Variants in RBFOX1 observed in about 807,000 individuals in gnomAD.
The protein encoded by RBFOX1 is RNA binding protein fox-1 homolog 1.
In RBFOX1, 8 loss-of-function variants were observed where a neutral mutation model predicts 57.7. The ratio of observed to expected loss-of-function variants is 0.14; its 90% CI spans 0.08 to 0.25. The LOEUF (loss-of-function observed/expected upper bound fraction) is 0.25. Among genes scored for constraint, RBFOX1 ranks in the 10% least tolerant of loss-of-function variants. RBFOX1 has a pLI of 1.00. For missense variants in RBFOX1, 611 were observed against 548.5 expected, an observed-to-expected ratio of 1.11 and a Z score of -1.14; for synonymous variants, 326 against 222.4, an observed-to-expected ratio of 1.47 and a Z score of -4.15.
chr16:7,498,171 G>A lies in RBFOX1; in HGVS notation c.28-19976G>A, dbSNP rs749821136. 1.2e-4 allele frequency among the ~76,000 whole-genome samples: 19 copies of A among 152,266 alleles called. No individual in the cohort carries two copies. In the Middle Eastern group the frequency reaches 0.014, roughly 109 times the overall value. On this transcript the variant is annotated intron_variant, in intron 4 of 15. Coordinates refer to ENST00000550418, the MANE Select transcript of RBFOX1 (RefSeq NM_018723.4). ...AAGAATAACAAAGGTGGCGTGTGGGGTGGGATGGAGATCAAGCTTCCCTGT... is the reference window on the plus strand; with the variant it reads ...AAGAATAACAAAGGTGGCGTGTGGGATGGGATGGAGATCAAGCTTCCCTGT...
chr16:6,390,375 A>G (rs957897850), intron 2 of RBFOX1, among the ~76,000 whole-genome samples: 16 of 152,174 alleles, frequency 1.1e-4, no homozygotes, highest in African/African-American at 3.1e-4. Flanking sequence ...AGGGCTGTGC[A>G]GGTACCTAGT....
intron 3 of RBFOX1, among the ~76,000 whole-genome samples, chr16:7,049,600 A>G (rs374713042): frequency 4.6e-5 from 7 of 152,226 alleles, no homozygotes; most frequent in African/African-American, 1.7e-4. Flanking sequence ...GCCCTTGGCT[A>G]CCTTGCACCC....
chr16:6,195,107 C>A (rs1314862484), intron 1 of RBFOX1, among the ~76,000 whole-genome samples: 1 of 152,160 alleles, frequency 6.6e-6, no homozygotes, highest in Non-Finnish European at 1.5e-5. Flanking sequence ...TTGCAAAATG[C>A]TGATGTAAAA....
chr16:7,038,202 G>T (rs1277847269), intron 3 of RBFOX1, among the ~76,000 whole-genome samples: 2 of 152,102 alleles, frequency 1.3e-5, no homozygotes, highest in African/African-American at 4.8e-5. Context: ...GGTCCCAGGA[G>T]ACCGGTTCAG....
chr16:7,508,086 A>T (rs1168118878), intron 4 of RBFOX1, among the ~76,000 whole-genome samples: 2 of 151,978 alleles, frequency 1.3e-5, no homozygotes, highest in Admixed American at 1.3e-4. Context: ...TCCCGGGTTC[A>T]AGCGATTCTC....
intron 2 of RBFOX1, among the ~76,000 whole-genome samples, chr16:6,524,307 G>T (rs112368994): frequency 1.1e-3 from 168 of 152,254 alleles, no homozygotes; most frequent in African/African-American, 3.9e-3. Flanking sequence ...ATTCTGTGTT[G>T]TTGCAAATGA....
intron 4 of RBFOX1, among the ~76,000 whole-genome samples, chr16:5,982,754 C>T (rs1289620934): frequency 6.6e-6 from 1 of 152,158 alleles, no homozygotes; most frequent in Non-Finnish European, 1.5e-5. Flanking sequence ...GCTGTGTTTT[C>T]CTTACAGAAC....
At chr16:5,844,274 A>G (rs1248917997) in intron 3 of RBFOX1, among the ~76,000 whole-genome samples, 2 of 152,212 alleles carry the variant, frequency 1.3e-5, no homozygotes, top group Non-Finnish European at 2.9e-5. Context: ...CTCAGCCCAC[A>G]TATCAGAGCA....
At chr16:6,952,139 G>A (rs934776376) in intron 3 of RBFOX1, among the ~76,000 whole-genome samples, 3 of 152,086 alleles carry the variant, frequency 2.0e-5, no homozygotes, top group African/African-American at 4.8e-5. Context: ...CAAGTGCTTC[G>A]CAGAGCACAT....
At chr16:7,099,371 T>C (rs2062260791) in intron 4 of RBFOX1, among the ~76,000 whole-genome samples, 4 of 152,116 alleles carry the variant, frequency 2.6e-5, no homozygotes, top group Admixed American at 2.0e-4. Context: ...TTCTTGGGTG[T>C]TTTATTTAAC....
At chr16:6,706,827 A>G (rs1183518461) in intron 3 of RBFOX1, among the ~76,000 whole-genome samples, 3 of 151,898 alleles carry the variant, frequency 2.0e-5, no homozygotes, top group Non-Finnish European at 2.9e-5. Context: ...GGTATCTGTA[A>G]TAATAGGTGA....
intron 11 of RBFOX1, among the ~76,000 whole-genome samples, chr16:7,652,268 G>A (rs1035249826): frequency 2.0e-5 from 3 of 152,176 alleles, no homozygotes; most frequent in African/African-American, 4.8e-5. Context: ...TGAAATGGGA[G>A]GAAGGGAATC....
intron 4 of RBFOX1, among the ~76,000 whole-genome samples, chr16:7,341,262 C>G (rs1603624871): frequency 6.6e-6 from 1 of 152,298 alleles, no homozygotes; most frequent in East Asian, 1.9e-4. Context: ...GTCTTTTCCT[C>G]TGAGCAACCG....
rs1567855138 is a variant in RBFOX1, at chr16:6,287,409, A to G, written c.-126-29586A>G. On this transcript the variant is annotated intron_variant, in intron 1 of 15. Transcript: ENST00000550418. ...CCTGTATTATCATTGGTGTTTGCCA[A>G]TATGATATTTATTAAATTAGCCAAT... is the stretch of plus-strand genomic sequence containing the variant. 2.0e-5 allele frequency among the ~76,000 whole-genome samples: 3 copies of G among 152,162 alleles called. No individual in the cohort carries two copies. In the South Asian group the frequency reaches 6.2e-4, roughly 32 times the overall value.
intron 3 of RBFOX1, among the ~76,000 whole-genome samples, chr16:6,843,471 G>A (rs571893490): frequency 2.6e-5 from 4 of 152,158 alleles, no homozygotes; most frequent in East Asian, 1.9e-4. Flanking sequence ...GGCAGATCAC[G>A]AGGTCAGGAG....
intron 3 of RBFOX1, among the ~76,000 whole-genome samples, chr16:5,858,086 A>G (rs965599823): frequency 6.6e-6 from 1 of 152,160 alleles, no homozygotes; most frequent in East Asian, 1.9e-4. Flanking sequence ...CTTTGTCTGT[A>G]TTTCCACATT....
chr16:6,582,403 G>C (rs757664147), intron 2 of RBFOX1, among the ~76,000 whole-genome samples: 3 of 151,062 alleles, frequency 2.0e-5, no homozygotes, highest in African/African-American at 4.9e-5. Context: ...TTGCATTTTG[G>C]AGAAATATAA....
At chr16:5,294,072 T>C (rs1398314133) in intron 1 of RBFOX1, among the ~76,000 whole-genome samples, 3 of 151,948 alleles carry the variant, frequency 2.0e-5, no homozygotes, top group Non-Finnish European at 4.4e-5. Context: ...CTATCAAAAA[T>C]ACAAAAATTA....
intron 4 of RBFOX1, among the ~76,000 whole-genome samples, chr16:7,248,177 T>G (rs1395203414): frequency 6.6e-6 from 1 of 152,182 alleles, no homozygotes; most frequent in East Asian, 1.9e-4. Context: ...CTTTATCAGT[T>G]AGGGATATTA....
Sources: gnomAD v4.1 joint callset for allele counts (sites outside exome capture counted in the v4.1 genomes callset) on GRCh38, gnomAD v4.1.1 for gene constraint, MANE v1.5 for transcripts, NCBI Gene and HGNC (gene_info 2026-07-23, HGNC 2026-07-21) for gene names.